LRFN5: variants seen among roughly 807,000 people sequenced by gnomAD.
LRFN5 encodes leucine-rich repeat and fibronectin type-III domain-containing protein 5.
Under a neutral mutation model 45.6 loss-of-function variants are expected in LRFN5, and 24 were observed. That is an observed-to-expected ratio of 0.53 (90% CI 0.38 to 0.74). The LOEUF (loss-of-function observed/expected upper bound fraction) is 0.74, where lower values mean the gene tolerates loss of function less well. Among genes scored for constraint, LRFN5 ranks in the 30% least tolerant of loss-of-function variants. LRFN5 has a pLI of 0.00. For synonymous variants in LRFN5, 340 were observed against 313.8 expected, an observed-to-expected ratio of 1.08 and a Z score of -0.88; for missense variants, 776 against 861.5, an observed-to-expected ratio of 0.90 and a Z score of 1.24.
chr14:41,856,161 A>G (rs1357259630), intron 2 of LRFN5, among the ~76,000 whole-genome samples: 6 of 152,162 alleles, frequency 3.9e-5, no homozygotes, highest in Admixed American at 3.9e-4. Context: ...TTTTTCTTTC[A>G]GCAAATATAG....
intron 2 of LRFN5, among the ~76,000 whole-genome samples, chr14:41,854,507 A>C (rs1566485153): frequency 6.6e-6 from 1 of 152,158 alleles, no homozygotes; most frequent in Admixed American, 6.5e-5. Flanking sequence ...ACTTAAAAAA[A>C]GAAAAGAAAA....
At chr14:41,888,354 G>A (rs997117496) in intron 3 of LRFN5, among the ~76,000 whole-genome samples, 1 of 152,062 alleles carries the variant, frequency 6.6e-6, no homozygotes, top group Non-Finnish European at 1.5e-5. Context: ...AGGAAGCCAC[G>A]TTGGGAGGCT....
At chr14:41,819,419 G>GA (rs1320524436) in intron 2 of LRFN5, among the ~76,000 whole-genome samples, 1 of 151,934 alleles carries the variant, frequency 6.6e-6, no homozygotes, top group Non-Finnish European at 1.5e-5. Context: ...TCTGATTCAC[G>GA]AAAGATGTTA....
intron 1 of LRFN5, among the ~76,000 whole-genome samples, chr14:41,659,892 G>GTTTTTTTTTTTTTTTTTTTTTTTT (rs11352345): frequency 2.4e-5 from 3 of 123,894 alleles, no homozygotes; most frequent in Non-Finnish European, 5.3e-5. Flanking sequence ...ACTTTTTGAT[G>GTTTTTTTTTTTTTTTTTTTTTTTT]TTTTTTTTTT....
chr14:41,759,530 T>A (rs572261138), intron 1 of LRFN5, among the ~76,000 whole-genome samples: 1 of 151,680 alleles, frequency 6.6e-6, no homozygotes, highest in African/African-American at 2.4e-5. Context: ...CATTTTATTT[T>A]ATTTTATTGG....
At chr14:41,732,084 G>T (rs995703656) in intron 1 of LRFN5, among the ~76,000 whole-genome samples, 5 of 152,126 alleles carry the variant, frequency 3.3e-5, no homozygotes, top group African/African-American at 1.2e-4. Flanking sequence ...CTGAAAGAAG[G>T]ATTGGACAGT....
chr14:41,786,819 A>T (rs528996758), intron 2 of LRFN5, among the ~76,000 whole-genome samples: 3 of 151,432 alleles, frequency 2.0e-5, no homozygotes, highest in South Asian at 2.1e-4. Flanking sequence ...GGTTCATTTC[A>T]TTGTGTTGTT....
At chr14:41,700,478 A>G (rs1882794615) in intron 1 of LRFN5, 1 of 152,152 alleles carries the variant, frequency 6.6e-6, no homozygotes, top group Admixed American at 6.6e-5. Context: ...GATCATCAAT[A>G]GCATGAAGGA....
intron 2 of LRFN5, among the ~76,000 whole-genome samples, chr14:41,810,556 A>G (rs2138990263): frequency 6.6e-6 from 1 of 152,196 alleles, no homozygotes; most frequent in Non-Finnish European, 1.5e-5. Flanking sequence ...ATAGTTTTTC[A>G]TTGACTTACG....
chr14:41,641,830 A>G (rs962918814), intron 1 of LRFN5, among the ~76,000 whole-genome samples: 2 of 152,150 alleles, frequency 1.3e-5, no homozygotes, highest in African/African-American at 4.8e-5. Context: ...AGTCACACAA[A>G]TCAACTGATG....
chr14:41,828,707 A>G (rs771058372), intron 2 of LRFN5, among the ~76,000 whole-genome samples: 3 of 151,960 alleles, frequency 2.0e-5, no homozygotes, highest in South Asian at 2.1e-4. Context: ...CTAAATCTCA[A>G]GCTTCTATTG....
In LRFN5 at chr14:41,902,406, T is replaced by A. The variant is rs375679340; in HGVS notation, c.2143-1752T>A. On this transcript the variant is annotated intron_variant, in intron 5 of 5. Coordinates refer to ENST00000298119, the MANE Select transcript of LRFN5 (RefSeq NM_152447.5). ...ATGGAATTACTATAGGAGCTATCTA[T>A]TGATAAGTAAATTAAAAAGTGTCAT... 2.0e-5 allele frequency among the ~76,000 whole-genome samples: 3 copies of A among 152,010 alleles called. No individual in the cohort carries two copies. The South Asian group carries it at 6.2e-4, about 31-fold the overall frequency.
chr14:41,803,342 T>A (rs372578386), intron 2 of LRFN5, among the ~76,000 whole-genome samples: 2 of 152,094 alleles, frequency 1.3e-5, no homozygotes, highest in East Asian at 1.9e-4. Context: ...AGTGCATTTA[T>A]GTGCATATAG....
intron 1 of LRFN5, among the ~76,000 whole-genome samples, chr14:41,655,384 A>G (rs975225299): frequency 2.0e-5 from 3 of 152,002 alleles, no homozygotes; most frequent in Non-Finnish European, 2.9e-5. Flanking sequence ...TCTAGAAGAG[A>G]AAACAGCAAG....
chr14:41,667,879 A>G (rs998641207), intron 1 of LRFN5, among the ~76,000 whole-genome samples: 1 of 152,146 alleles, frequency 6.6e-6, no homozygotes, highest in South Asian at 2.1e-4. Context: ...TGATTCTTGA[A>G]CATACAAGTA....
chr14:41,893,135 G>T, intron 4 of LRFN5: 1 of 984,232 alleles, frequency 1.0e-6, no homozygotes, highest in Non-Finnish European at 1.2e-6. Context: ...AAATGCATTT[G>T]CTATTTTAAC....
chr14:41,869,027 T>C (rs1889930196), intron 2 of LRFN5, among the ~76,000 whole-genome samples: 1 of 152,166 alleles, frequency 6.6e-6, no homozygotes, highest in African/African-American at 2.4e-5. Flanking sequence ...TTTTGAAATT[T>C]ATATATAAAT....
intron 2 of LRFN5, among the ~76,000 whole-genome samples, chr14:41,859,027 A>T (rs2139093335): frequency 6.6e-6 from 1 of 152,298 alleles, no homozygotes; most frequent in Non-Finnish European, 1.5e-5. Flanking sequence ...AGTGTTTTGG[A>T]AAATGTATAT....
chr14:41,613,280 G>A (rs1192440936), intron 1 of LRFN5, among the ~76,000 whole-genome samples: 1 of 152,006 alleles, frequency 6.6e-6, no homozygotes, highest in Non-Finnish European at 1.5e-5. Context: ...ACCCAGTAAT[G>A]GGATTTCTGG....
Sources: allele counts gnomAD v4.1 joint callset (sites outside exome capture counted in the v4.1 genomes callset), GRCh38; gene constraint gnomAD v4.1.1; transcripts MANE v1.5; gene names NCBI Gene and HGNC (gene_info 2026-07-23, HGNC 2026-07-21).